TRIO: variants seen among roughly 807,000 people sequenced by gnomAD.
TRIO encodes triple functional domain protein.
A neutral mutation model predicts 351.9 loss-of-function variants in TRIO; 58 were observed. The ratio of observed to expected loss-of-function variants is 0.16; its 90% CI spans 0.13 to 0.21. TRIO has a LOEUF of 0.21. Among genes scored for constraint, TRIO ranks in the 10% least tolerant of loss-of-function variants. The probability of loss-of-function intolerance (pLI) is 1.00; values close to 1 mark genes in which losing one functional copy is unlikely to be tolerated. For synonymous variants in TRIO, 1,758 were observed against 1,595.7 expected, an observed-to-expected ratio of 1.10 and a Z score of -2.42; for missense variants, 3,201 against 4,027.8, an observed-to-expected ratio of 0.79 and a Z score of 5.56.
At chr5:14,304,732 C>A in intron 8 of TRIO, 140 bp downstream of exon 8, 1 of 989,942 alleles carries the variant, frequency 1.0e-6, no homozygotes, top group Non-Finnish European at 1.5e-6. Flanking sequence ...AATTGTTTAG[C>A]ATTTGAACCC....
chr5:14,268,484 G>A (rs1393279857), intron 1 of TRIO, among the ~76,000 whole-genome samples: 2 of 152,162 alleles, frequency 1.3e-5, no homozygotes, highest in African/African-American at 4.8e-5. Flanking sequence ...CTCTAGTGTC[G>A]GAGCCAGGGC....
chr5:14,162,581 T>C (rs548071869), intron 1 of TRIO, among the ~76,000 whole-genome samples: 1 of 152,236 alleles, frequency 6.6e-6, no homozygotes, highest in Non-Finnish European at 1.5e-5. Context: ...ACTTTGCTTG[T>C]ATATTTTCCC....
intron 40 of TRIO, among the ~76,000 whole-genome samples, chr5:14,475,308 C>T (rs1381312854): frequency 1.3e-5 from 2 of 152,156 alleles, no homozygotes; most frequent in East Asian, 3.9e-4. Context: ...CAGGGTGGAG[C>T]ACGATGTCAT....
At position 14,297,067 on chromosome 5, in the gene TRIO, T is replaced by C; in HGVS notation, c.1177-5T>C. ...AGGAGCCCTCTTTTCCTGCCCACTT[T>C]CCAGAACGTGTATGTAAATATAAAC... On this transcript the variant is annotated splice_polypyrimidine_tract_variant and splice_region_variant and intron_variant, in intron 6 of 56. Transcript: ENST00000344204. 8.7e-6 allele frequency: 14 copies of C among 1,605,392 alleles called. No individual in the cohort carries two copies. The highest frequency in any genetic ancestry group is 1.2e-5 in the Non-Finnish European group (14 of 1,172,852).
chr5:14,474,866 G>A lies in TRIO; in HGVS notation c.6083+769G>A, dbSNP rs919965262. Among the ~76,000 whole-genome samples, 11 of 152,186 alleles carry A rather than the reference G, an allele frequency of 7.2e-5. No homozygotes were observed. In the South Asian group the frequency reaches 2.3e-3, roughly 32 times the overall value. ...TTTTTTGGTTTTCGTAGACAAACACGGGCTTGCTGTGTTGCCTAAGCTGGT... is the reference window on the plus strand; with the variant it reads ...TTTTTTGGTTTTCGTAGACAAACACAGGCTTGCTGTGTTGCCTAAGCTGGT... On this transcript the variant is annotated intron_variant, in intron 40 of 56. Coordinates refer to ENST00000344204, the MANE Select transcript of TRIO (RefSeq NM_007118.4).
chr5:14,369,248 C>G (rs775200422), intron 17 of TRIO, 126 bp from the exon 18 acceptor site: 3 of 1,372,550 alleles, frequency 2.2e-6, no homozygotes, highest in Non-Finnish European at 2.9e-6. Context: ...CCCATGGCTC[C>G]TTCTTATGGT....
intron 1 of TRIO, among the ~76,000 whole-genome samples, chr5:14,242,967 C>T (rs1231382904): frequency 6.6e-6 from 1 of 152,180 alleles, no homozygotes; most frequent in East Asian, 1.9e-4. Context: ...ATACCTTGCT[C>T]GGGCAGAGGG....
At chr5:14,280,747 A>G (rs1467966198) in intron 3 of TRIO, among the ~76,000 whole-genome samples, 4 of 152,216 alleles carry the variant, frequency 2.6e-5, no homozygotes, top group Non-Finnish European at 5.9e-5. Flanking sequence ...ACCGTGACAC[A>G]GAGGCCTGGG....
Position 14,508,384 on chromosome 5 carries a change from A to G in TRIO, c.9256A>G (p.Lys3086Glu). The G allele has an allele frequency of 6.2e-7, 1 of 1,613,084 alleles. No individual in the cohort carries two copies. The highest frequency in any genetic ancestry group is 8.5e-7 in the Non-Finnish European group (1 of 1,179,340). Residue 3086 changes from lysine (K) to glutamate (E), a missense_variant, in exon 57 of 57, where the codon AAA becomes GAA. By Grantham distance (56) the Lys-to-Glu change is moderately conservative. Transcript: ENST00000344204. The stretch of plus-strand genomic sequence containing the variant: ...TGATGTTCGACCTATCCGTAGCATT[A>G]AAAACTTTCTGCAGAGCAGGCTTCT... ...QNDVRPIRSI[K>E]NFLQSRLLPR...
At position 14,481,299 on chromosome 5, in the gene TRIO, G is replaced by A. The variant is rs776207260; in HGVS notation, c.6387+15G>A. The A allele has an allele frequency of 5.6e-6, 9 of 1,612,974 alleles. No individual in the cohort carries two copies. Among genetic ancestry groups the A allele is most frequent in the African/African-American group, 5.3e-5 (4 of 74,972 alleles). ...CAGAATTAGAGGTACATGCATCAGC[G>A]GCTGTGGGCACCCAAATCCCCACCA... On this transcript the variant is annotated intron_variant, in intron 44 of 56. Transcript: ENST00000344204.
chr5:14,449,901 T>C lies in TRIO; in HGVS notation c.5204-11118T>C, dbSNP rs531806423. Among the ~76,000 whole-genome samples the C allele has an allele frequency of 7.9e-5, 12 of 152,354 alleles. No individual in the cohort carries two copies. The East Asian group carries it at 2.3e-3, about 29-fold the overall frequency. ...TTTCTTCACGTTTCTTTATTGGAAA[T>C]TTCAGTGGTGAAAATAAAAAGAAAG... On this transcript the variant is annotated intron_variant, in intron 34 of 56. Coordinates refer to ENST00000344204, the MANE Select transcript of TRIO (RefSeq NM_007118.4).
chr5:14,378,025 A>G lies in TRIO; in HGVS notation c.3345A>G (p.Glu1115=), dbSNP rs1425906881. Residue 1115 remains glutamate (E), a synonymous_variant, in exon 20 of 57, where the codon GAA becomes GAG. Transcript: ENST00000344204. ...PEQQVKNILN[E]LFQRENRVLH... is the part of the protein sequence containing the mutation. Reference sequence around the variant, plus strand: ...TTTTTCTCTCAGATATCTTGAATGAACTCTTCCAACGGGAGAACAGGGTAT... The same window carrying G: ...TTTTTCTCTCAGATATCTTGAATGAGCTCTTCCAACGGGAGAACAGGGTAT... The G allele has an allele frequency of 9.3e-6, 15 of 1,612,340 alleles. No individual in the cohort carries two copies. The highest frequency in any genetic ancestry group is 1.3e-5 in the Non-Finnish European group (15 of 1,179,256).
chr5:14,493,545 G>T (rs779737571), intron 49 of TRIO, among the ~76,000 whole-genome samples: 10 of 152,118 alleles, frequency 6.6e-5, no homozygotes, highest in Non-Finnish European at 1.3e-4. Context: ...CATAATAAAC[G>T]TGTGTTCTAA....
At chr5:14,268,614 G>A (rs929760390) in intron 1 of TRIO, among the ~76,000 whole-genome samples, 2 of 152,146 alleles carry the variant, frequency 1.3e-5, no homozygotes, top group African/African-American at 2.4e-5. Flanking sequence ...ACAGAAGGGG[G>A]AATCCTCCCT....
rs2126723233 is a variant in TRIO, at chr5:14,507,914, A to C, written c.8786A>C (p.Lys2929Thr). 2 of 1,614,110 alleles carry C rather than the reference A, an allele frequency of 1.2e-6. No individual in the cohort carries two copies. Among genetic ancestry groups the C allele is most frequent in the African/African-American group, 1.3e-5 (1 of 75,048 alleles). The change falls in exon 57 of 57, where the codon AAG (lysine) becomes ACG (threonine). Residue 2929 changes from lysine (K) to threonine (T), a missense_variant. Around this residue, in one of 19 missense-constraint regions of TRIO, gnomAD observed 233 missense variants for 292.6 expected, o/e 0.80. Transcript: ENST00000344204. The part of the protein sequence containing the change: ...ENILVDESLA[K>T]PTIKLADFGD... ...ATCCTGGTGGATGAGAGTTTAGCCA[A>C]GCCAACCATCAAACTGGCTGACTTT...
At chr5:14,411,150 C>A (rs1242094608) in intron 33 of TRIO, among the ~76,000 whole-genome samples, 2 of 152,176 alleles carry the variant, frequency 1.3e-5, no homozygotes, top group Non-Finnish European at 2.9e-5. Context: ...AGGGCCACAG[C>A]CAGACACGGA....
At chr5:14,272,128 A>G (rs538328240) in intron 2 of TRIO, among the ~76,000 whole-genome samples, 1 of 152,344 alleles carries the variant, frequency 6.6e-6, no homozygotes, top group East Asian at 1.9e-4. Context: ...TTTACTGACA[A>G]ACTGCATTGT....
chr5:14,384,278 G>A (rs964050792), intron 21 of TRIO, among the ~76,000 whole-genome samples: 3 of 152,126 alleles, frequency 2.0e-5, no homozygotes, highest in Non-Finnish European at 2.9e-5. Context: ...GATCACCAGC[G>A]TCCGCAATGC....
At chr5:14,505,184 A>G (rs902946740) in intron 55 of TRIO, among the ~76,000 whole-genome samples, 7 of 152,232 alleles carry the variant, frequency 4.6e-5, no homozygotes, top group Admixed American at 4.6e-4. Context: ...AAAGAGTTTG[A>G]AACCTGTGTC....
Sources: allele counts gnomAD v4.1 joint callset (sites outside exome capture counted in the v4.1 genomes callset), GRCh38; gene constraint gnomAD v4.1.1; regional missense constraint gnomAD v4.1.1; transcripts MANE v1.5; gene names NCBI Gene and HGNC (gene_info 2026-07-23, HGNC 2026-07-21).